Variants in PADI3 observed in about 807,000 individuals in gnomAD.
The protein encoded by PADI3 is peptidyl arginine deiminase 3, also known as protein-arginine deiminase type-3.
PADI3 carries 53 observed loss-of-function variants against 71.5 expected under a neutral mutation model. That is an observed-to-expected ratio of 0.74 (90% confidence interval 0.59 to 0.93). The LOEUF is 0.93. PADI3 is among the 40% of genes least tolerant of loss of function. The probability of loss-of-function intolerance (pLI) is 0.00; values close to 1 mark genes in which losing one functional copy is unlikely to be tolerated. For missense variants in PADI3, 821 were observed against 868.0 expected (o/e 0.95, Z 0.68); for synonymous variants, 361 against 347.5 (o/e 1.04, Z -0.43).
chr1:17,266,468 G>A (rs2073169765), intron 4 of PADI3, among the ~76,000 whole-genome samples: 1 of 152,210 alleles, frequency 6.6e-6, no homozygotes, highest in African/African-American at 2.4e-5. Flanking sequence ...TAATCAGGTT[G>A]CCTATTGAGA....
intron 13 of PADI3, among the ~76,000 whole-genome samples, chr1:17,279,003 G>T (rs1028845469): frequency 6.6e-5 from 10 of 152,222 alleles, no homozygotes; most frequent in African/African-American, 2.4e-4. Flanking sequence ...TGAACCTAGA[G>T]TAAGTCTTAG....
chr1:17,282,770 C>A, intron 15 of PADI3, 76 bp from the exon 16 acceptor site: 1 of 1,113,880 alleles, frequency 9.0e-7, no homozygotes, highest in Non-Finnish European at 1.3e-6. Flanking sequence ...AAAACACAAA[C>A]CTAGGTCCTG....
At chr1:17,273,561 A>G in intron 10 of PADI3, 114 bp downstream of exon 10, 1 of 584,548 alleles carries the variant, frequency 1.7e-6, no homozygotes, top group Non-Finnish European at 3.0e-6. Flanking sequence ...TTTAGGGATG[A>G]GGGTAGGGTT....
At position 17,259,722 on chromosome 1, in the gene PADI3, C is replaced by A; in HGVS notation, c.237C>A (p.Val79=). 2 of 1,611,954 alleles carry A rather than the reference C, an allele frequency of 1.2e-6. No individual in the cohort carries two copies. The highest frequency in any genetic ancestry group is 2.2e-5 in the South Asian group (2 of 90,764). The change falls in exon 2 of 16, where the codon GTC becomes GTA. Residue 79 remains valine (V), a synonymous_variant. Transcript: ENST00000375460. ...ACGCGACTTTGGAGATCATCGTGGT[C>A]ATGAACTCCCCCAGCAATGACCTCA... ...RFDATLEIIV[V]MNSPSNDLND...
intron 1 of PADI3, among the ~76,000 whole-genome samples, chr1:17,254,054 A>G (rs1422441829): frequency 6.6e-6 from 1 of 152,028 alleles, no homozygotes; most frequent in East Asian, 1.9e-4. Flanking sequence ...GGATTGGTGC[A>G]TTTCTGCTCT....
At chr1:17,278,976 C>A (rs1332241179) in intron 13 of PADI3, among the ~76,000 whole-genome samples, 1 of 152,204 alleles carries the variant, frequency 6.6e-6, no homozygotes, top group Non-Finnish European at 1.5e-5. Flanking sequence ...CCCAAACGCA[C>A]CCTAACTAGA....
At chr1:17,276,406 T>C in intron 11 of PADI3, 113 bp from the exon 12 acceptor site, 1 of 972,546 alleles carries the variant, frequency 1.0e-6, no homozygotes, top group South Asian at 1.4e-5. Flanking sequence ...GTAATGCATG[T>C]TTTTTTGTTT....
chr1:17,259,628 T>C lies in PADI3; in HGVS notation c.143T>C (p.Val48Ala), dbSNP rs1444314937. Residue 48 changes from valine (V) to alanine (A), a missense_variant, in exon 2 of 16, where the codon GTG (valine) becomes GCG (alanine). Coordinates refer to ENST00000375460, the MANE Select transcript of PADI3 (RefSeq NM_016233.2). ...EMFEVYGTPG[V>A]DIYISPNMER... ...TTTGAGGTCTATGGGACGCCTGGCG[T>C]GGACATCTACATCTCTCCCAACATG... 6.2e-7 allele frequency: 1 copy of C among 1,613,504 alleles called. No homozygotes were observed. The highest frequency in any genetic ancestry group is 1.1e-5 in the South Asian group (1 of 90,950).
At chr1:17,253,461 G>A (rs1316392350) in intron 1 of PADI3, among the ~76,000 whole-genome samples, 1 of 152,164 alleles carries the variant, frequency 6.6e-6, no homozygotes, top group Non-Finnish European at 1.5e-5. Flanking sequence ...AAGACAGAAG[G>A]CAGGGAGCCC....
At chr1:17,280,568 C>T in intron 14 of PADI3, 103 bp from the exon 15 acceptor site, 1 of 1,559,594 alleles carries the variant, frequency 6.4e-7, no homozygotes, top group Admixed American at 1.7e-5. Context: ...GGTCCCAACA[C>T]CCTCTTTTGA....
intron 1 of PADI3, among the ~76,000 whole-genome samples, chr1:17,255,410 G>T (rs16824440): frequency 6.6e-6 from 1 of 152,106 alleles, no homozygotes; most frequent in African/African-American, 2.4e-5. Flanking sequence ...AAGCCTCAGC[G>T]GCGAGGGTCC....
At chr1:17,254,261 C>A (rs1167292968) in intron 1 of PADI3, among the ~76,000 whole-genome samples, 37 of 152,198 alleles carry the variant, frequency 2.4e-4, no homozygotes, top group Non-Finnish European at 2.9e-5. Context: ...AGAAACCCAG[C>A]TGCCTGGGTC....
Position 17,276,814 on chromosome 1 carries a change from A to T in PADI3, c.1493A>T (p.Lys498Met). The T allele has an allele frequency of 2.5e-6, 4 of 1,613,758 alleles. No homozygotes were observed. Among genetic ancestry groups the T allele is most frequent in the Non-Finnish European group, 3.4e-6 (4 of 1,179,884 alleles). ...CTGGCCAGCCCTGGGGCCTGCTTCA[A>T]GCTCTTCCAGGAAAAGCAGAAGTGT... is the stretch of plus-strand genomic sequence containing the variant. ...MLLASPGACF[K>M]LFQEKQKCGH... Residue 498 changes from lysine to methionine, a missense_variant, in exon 13 of 16, where the codon AAG (lysine) becomes ATG (methionine). Transcript: ENST00000375460.
Position 17,274,713 on chromosome 1 carries a change from G to C in PADI3, c.1234G>C (p.Val412Leu). 3 of 1,614,052 alleles carry C rather than the reference G, an allele frequency of 1.9e-6. No homozygotes were observed. Among genetic ancestry groups the C allele is most frequent in the Non-Finnish European group, 2.5e-6 (3 of 1,179,962 alleles). Residue 412 changes from valine (V) to leucine (L), a missense_variant, in exon 11 of 16, where the codon GTC (valine) becomes CTC (leucine). Coordinates refer to ENST00000375460, the MANE Select transcript of PADI3 (RefSeq NM_016233.2). The part of the protein sequence containing the change: ...SGLDSFGNLE[V>L]SPPVVANGKE... The stretch of plus-strand genomic sequence containing the variant: ...CCTGGACTCCTTTGGGAACCTGGAG[G>C]TCAGCCCTCCAGTGGTGGCCAATGG...
At chr1:17,272,871 C>T (rs1485148988) in intron 9 of PADI3, among the ~76,000 whole-genome samples, 1 of 152,192 alleles carries the variant, frequency 6.6e-6, no homozygotes, top group Non-Finnish European at 1.5e-5. Flanking sequence ...TGCCCACGCC[C>T]AGGCATGTCA....
At chr1:17,252,198 G>A (rs1361479287) in intron 1 of PADI3, among the ~76,000 whole-genome samples, 1 of 152,084 alleles carries the variant, frequency 6.6e-6, no homozygotes, top group South Asian at 2.1e-4. Context: ...ACTCCTCCCT[G>A]CAACTGGAGG....
chr1:17,275,311 C>G (rs1353472588), intron 11 of PADI3, among the ~76,000 whole-genome samples: 1 of 151,510 alleles, frequency 6.6e-6, no homozygotes, highest in Non-Finnish European at 1.5e-5. Flanking sequence ...GTGGCAGGCG[C>G]CTGTAGTCCC....
At chr1:17,273,471 AC>A in intron 10 of PADI3, 24 bp downstream of exon 10, 1 of 1,535,618 alleles carries the variant, frequency 6.5e-7, no homozygotes. Context: ...GCCGCAGCCC[AC>A]CCCTGAGAGC....
At chr1:17,251,386 T>G (rs2072964298) in intron 1 of PADI3, among the ~76,000 whole-genome samples, 1 of 152,202 alleles carries the variant, frequency 6.6e-6, no homozygotes, top group Non-Finnish European at 1.5e-5. Flanking sequence ...CAGTCCTGGC[T>G]CTGCAACTTC....
Sources: gnomAD v4.1 joint callset for allele counts (sites outside exome capture counted in the v4.1 genomes callset) on GRCh38, gnomAD v4.1.1 for gene constraint, MANE v1.5 for transcripts, NCBI Gene and HGNC (gene_info 2026-07-23, HGNC 2026-07-21) for gene names.